FXN: variants seen among roughly 807,000 people sequenced by gnomAD.
FXN encodes frataxin.
FXN carries 14 observed loss-of-function variants against 22.4 expected under a neutral mutation model. The observed-to-expected ratio is 0.62, with a 90% CI of 0.41 to 0.98. FXN has a LOEUF of 0.98. Among genes scored for constraint, FXN ranks in the 50% least tolerant of loss-of-function variants. The probability of loss-of-function intolerance (pLI) is 0.00; values close to 1 mark genes in which losing one functional copy is unlikely to be tolerated. For synonymous variants in FXN, 120 were observed against 114.1 expected (o/e 1.05, Z -0.33); for missense variants, 267 against 268.4 (o/e 0.99, Z 0.04).
intron 2 of FXN, among the ~76,000 whole-genome samples, chr9:69,046,791 A>G (rs1831764092): frequency 6.6e-6 from 1 of 152,208 alleles, no homozygotes; most frequent in Non-Finnish European, 1.5e-5. Context: ...AATAGCTCAA[A>G]CCAATAACGT....
chr9:69,043,957 A>G (rs2133099098), intron 1 of FXN, among the ~76,000 whole-genome samples: 1 of 152,306 alleles, frequency 6.6e-6, no homozygotes, highest in South Asian at 2.1e-4. Flanking sequence ...TCTTGAGCTC[A>G]AGTAATCCTC....
chr9:69,066,117 A>C (rs887180044), intron 4 of FXN, among the ~76,000 whole-genome samples: 4 of 152,182 alleles, frequency 2.6e-5, no homozygotes, highest in African/African-American at 9.7e-5. Flanking sequence ...CTGCTGTTGA[A>C]GTGGTTGTAA....
In FXN at chr9:69,076,008, A is replaced by T. The variant is rs2133144783; in HGVS notation, c.*3246A>T. ...GTGTGTGCCACAGGTGTTCATCAGA[A>T]AGCTTTTTCTATTATTTTTACCTTC... On this transcript the variant is annotated 3_prime_UTR_variant, in exon 5 of 5. Transcript: ENST00000484259. 2 of 983,564 alleles carry T rather than the reference A, an allele frequency of 2.0e-6. No individual in the cohort carries two copies. Among genetic ancestry groups the T allele is most frequent in the Admixed American group, 1.2e-4 (2 of 16,260 alleles). 60.9% of individuals were successfully genotyped at this position (983,564 alleles called of 1,614,324 possible).
In FXN at chr9:69,078,184, G is replaced by T; in HGVS notation, c.*5422G>T. The T allele has an allele frequency of 2.0e-6, 2 of 984,538 alleles. No homozygotes were observed. The highest frequency in any genetic ancestry group is 2.4e-6 in the Non-Finnish European group (2 of 829,152). 61.0% of individuals were successfully genotyped at this position (984,538 alleles called of 1,614,324 possible). A position where few individuals can be genotyped will look rare whatever the true frequency, so the allele number is the denominator to read the frequency against. On this transcript the variant is annotated 3_prime_UTR_variant, in exon 5 of 5. Transcript: ENST00000484259. ...TTCTCTGTAAGATTGCCTAGGCTGT[G>T]TACTGCACATCTCCAGGTGCCACTG...
intron 2 of FXN, among the ~76,000 whole-genome samples, chr9:69,047,991 T>C (rs547232758): frequency 9.8e-5 from 15 of 152,294 alleles, no homozygotes; most frequent in African/African-American, 3.4e-4. Context: ...GTGCTGGGAT[T>C]ACTGGCATGA....
intron 3 of FXN, among the ~76,000 whole-genome samples, chr9:69,054,243 A>AC (rs1313444974): frequency 6.6e-6 from 1 of 151,890 alleles, no homozygotes; most frequent in African/African-American, 2.4e-5. Context: ...CAAATGGTCC[A>AC]CCCCCATCAG....
chr9:69,078,033 A>C lies in FXN; in HGVS notation c.*5271A>C. The C allele has an allele frequency of 1.0e-6, 1 of 985,342 alleles. No homozygotes were observed. Among genetic ancestry groups the C allele is most frequent in the Non-Finnish European group, 1.2e-6 (1 of 829,904 alleles). 61.0% of individuals were successfully genotyped at this position (985,342 alleles called of 1,614,324 possible). A position where few individuals can be genotyped will look rare whatever the true frequency, so the allele number is the denominator to read the frequency against. On this transcript the variant is annotated 3_prime_UTR_variant, in exon 5 of 5. Transcript: ENST00000484259. ...CCCAATTACATTCCTTTCCTACCGC[A>C]CTCTATGATGCTAGCTGAGATTTTT...
intron 4 of FXN, among the ~76,000 whole-genome samples, chr9:69,070,607 T>A (rs1832255967): frequency 6.6e-6 from 1 of 152,216 alleles, no homozygotes; most frequent in Non-Finnish European, 1.5e-5. Context: ...ACTGATCTCT[T>A]GTTAATTTAG....
intron 4 of FXN, among the ~76,000 whole-genome samples, chr9:69,069,085 C>G (rs760965862): frequency 6.6e-6 from 1 of 152,184 alleles, no homozygotes; most frequent in Non-Finnish European, 1.5e-5. Flanking sequence ...AAGAAGGGGC[C>G]AGACACAGTG....
intron 2 of FXN, among the ~76,000 whole-genome samples, chr9:69,051,927 A>C (rs934178489): frequency 1.3e-5 from 2 of 152,180 alleles, no homozygotes; most frequent in Admixed American, 6.5e-5. Flanking sequence ...AGCTCACTGC[A>C]ACCTCCGCCC....
chr9:69,054,466 GAGAAA>G (rs1035080290), intron 3 of FXN, among the ~76,000 whole-genome samples: 1 of 151,908 alleles, frequency 6.6e-6, no homozygotes, highest in Non-Finnish European at 1.5e-5. Context: ...TTGCCAGTGG[GAGAAA>G]ATCCCTCAAA....
intron 2 of FXN, among the ~76,000 whole-genome samples, chr9:69,048,788 T>TCTGGGGCATA (rs1831803381): frequency 6.6e-6 from 1 of 152,112 alleles, no homozygotes; most frequent in Non-Finnish European, 1.5e-5. Flanking sequence ...AGCTATATGC[T>TCTGGGGCATA]CAGTAGGCAT....
intron 2 of FXN, among the ~76,000 whole-genome samples, chr9:69,049,591 C>A (rs933336963): frequency 1.3e-5 from 2 of 152,112 alleles, no homozygotes; most frequent in African/African-American, 4.8e-5. Context: ...TTAATATATC[C>A]TCACAGGGGC....
chr9:69,042,105 G>A (rs1202079701), intron 1 of FXN, among the ~76,000 whole-genome samples: 2 of 152,118 alleles, frequency 1.3e-5, no homozygotes, highest in Non-Finnish European at 2.9e-5. Flanking sequence ...GGGCATGGAG[G>A]TGCACGCCTG....
intron 2 of FXN, among the ~76,000 whole-genome samples, chr9:69,050,156 T>G (rs1167656154): frequency 6.6e-6 from 1 of 152,254 alleles, no homozygotes; most frequent in Non-Finnish European, 1.5e-5. Context: ...TAAACATGTT[T>G]GTGTATACTT....
intron 1 of FXN, among the ~76,000 whole-genome samples, chr9:69,039,290 C>A (rs1831614715): frequency 6.6e-6 from 1 of 151,616 alleles, no homozygotes; most frequent in Admixed American, 6.6e-5. Flanking sequence ...AACTTTATTA[C>A]TTTATTATCA....
intron 3 of FXN, among the ~76,000 whole-genome samples, chr9:69,062,763 T>C (rs1228555834): frequency 6.6e-6 from 1 of 151,900 alleles, no homozygotes; most frequent in Non-Finnish European, 1.5e-5. Flanking sequence ...GGGCATAGAG[T>C]TTCAGTGTTA....
rs139421100 is a variant in FXN, at chr9:69,051,081, G to A, written c.264-2059G>A. 8.2e-3 allele frequency among the ~76,000 whole-genome samples: 1,246 copies of A among 151,926 alleles called. 43 individuals are homozygous for A. In the East Asian group the frequency reaches 0.083, roughly 10 times the overall value. ...AGGCATGAGCCACCGCGCCAGGCCG[G>A]CCAACTCTTTTTTATTTTATTTTAT... On this transcript the variant is annotated intron_variant, in intron 2 of 4. Coordinates refer to ENST00000484259, the MANE Select transcript of FXN (RefSeq NM_000144.5).
intron 1 of FXN, among the ~76,000 whole-genome samples, chr9:69,037,284 A>AAAAAAAAAAAAAAAAAGAAGAAG (rs544093183): frequency 6.4e-5 from 5 of 78,060 alleles, no homozygotes; most frequent in South Asian, 4.5e-4. Context: ...AAAAAAAAAA[A>AAAAAAAAAAAAAAAAAGAAGAAG]AAGAAGAAGA....
Sources: allele counts gnomAD v4.1 joint callset (sites outside exome capture counted in the v4.1 genomes callset), GRCh38; gene constraint gnomAD v4.1.1; transcripts MANE v1.5; gene names NCBI Gene and HGNC (gene_info 2026-07-23, HGNC 2026-07-21).